AKAP6: variants seen among roughly 807,000 people sequenced by gnomAD.
The protein encoded by AKAP6 is A-kinase anchor protein 6.
In AKAP6, 58 loss-of-function variants were observed where a neutral mutation model predicts 188.5. That is an observed-to-expected ratio of 0.31 (90% CI 0.25 to 0.38). The LOEUF (loss-of-function observed/expected upper bound fraction) is 0.38. Ranked by LOEUF, AKAP6 falls within the 10% of genes least tolerant of loss-of-function variation. The probability of loss-of-function intolerance (pLI) is 1.00; values close to 1 mark genes in which losing one functional copy is unlikely to be tolerated. For missense variants in AKAP6, 2,710 were observed against 2,740.0 expected (o/e 0.99, Z 0.24); for synonymous variants, 989 against 998.6 (o/e 0.99, Z 0.18).
chr14:32,700,776 C>T (rs566883612), intron 9 of AKAP6, among the ~76,000 whole-genome samples: 1 of 152,182 alleles, frequency 6.6e-6, no homozygotes, highest in South Asian at 2.1e-4. Flanking sequence ...CTAGGATGTT[C>T]ACACAGTGAC....
At chr14:32,489,862 A>G (rs1879908159) in intron 2 of AKAP6, among the ~76,000 whole-genome samples, 1 of 152,254 alleles carries the variant, frequency 6.6e-6, no homozygotes. Context: ...AGAGACCACC[A>G]AACAGGCTTT....
At chr14:32,542,064 A>G (rs1882979895) in intron 3 of AKAP6, among the ~76,000 whole-genome samples, 1 of 152,206 alleles carries the variant, frequency 6.6e-6, no homozygotes, top group African/African-American at 2.4e-5. Context: ...TACATATATT[A>G]CATATCTTAC....
chr14:32,519,523 A>G (rs1379519797), intron 2 of AKAP6, among the ~76,000 whole-genome samples: 1 of 151,858 alleles, frequency 6.6e-6, no homozygotes, highest in Non-Finnish European at 1.5e-5. Flanking sequence ...ATGGAAAACA[A>G]AAAAAAAGCA....
intron 7 of AKAP6, among the ~76,000 whole-genome samples, chr14:32,636,825 T>G (rs984822980): frequency 1.3e-5 from 2 of 152,024 alleles, no homozygotes; most frequent in Non-Finnish European, 2.9e-5. Context: ...AACGGACTTG[T>G]GTGACACCAC....
At chr14:32,696,616 C>T (rs1460913997) in intron 9 of AKAP6, among the ~76,000 whole-genome samples, 1 of 152,174 alleles carries the variant, frequency 6.6e-6, no homozygotes, top group African/African-American at 2.4e-5. Flanking sequence ...TAAGTCAATA[C>T]ATTTCCATGT....
At chr14:32,389,786 T>A (rs374079122) in intron 1 of AKAP6, among the ~76,000 whole-genome samples, 36 of 152,168 alleles carry the variant, frequency 2.4e-4, no homozygotes, top group African/African-American at 8.7e-4. Flanking sequence ...GATTCTTTCC[T>A]TTGTCTTAAC....
At chr14:32,583,942 G>A (rs887877938) in intron 5 of AKAP6, among the ~76,000 whole-genome samples, 71 of 152,314 alleles carry the variant, frequency 4.7e-4, no homozygotes, top group African/African-American at 1.6e-3. Context: ...GGGAGGCAAT[G>A]CCTCGCCCTG....
intron 9 of AKAP6, among the ~76,000 whole-genome samples, chr14:32,725,812 A>G (rs1372973835): frequency 6.6e-6 from 1 of 152,208 alleles, no homozygotes; most frequent in African/African-American, 2.4e-5. Context: ...TGTTTCCTGA[A>G]TGGTTAATAA....
Position 32,824,435 on chromosome 14 carries a change from G to A in AKAP6, c.6622G>A (p.Ala2208Thr). Residue 2208 changes from alanine to threonine, a missense_variant, in exon 13 of 14, where the codon GCA becomes ACA. This residue lies in a region of AKAP6 where 2,473 missense variants were observed against 2,426.1 expected (regional missense o/e 1.02). Transcript: ENST00000280979. ...FSDSSLSADD[A>T]DTVALSSPSS... ...TGATAGTTCTCTTTCAGCTGATGAT[G>A]CAGATACAGTGGCTCTTTCAAGTCC... 6 of 1,613,934 alleles carry A rather than the reference G, an allele frequency of 3.7e-6. No individual in the cohort carries two copies. Among genetic ancestry groups the A allele is most frequent in the Non-Finnish European group, 5.1e-6 (6 of 1,179,954 alleles).
chr14:32,370,034 A>G (rs1438472512), intron 1 of AKAP6, among the ~76,000 whole-genome samples: 1 of 152,192 alleles, frequency 6.6e-6, no homozygotes, highest in African/African-American at 2.4e-5. Flanking sequence ...TCCATCTCAA[A>G]AACAAACAAA....
chr14:32,330,803 T>C (rs1487669089), intron 1 of AKAP6, among the ~76,000 whole-genome samples: 1 of 148,554 alleles, frequency 6.7e-6, no homozygotes, highest in African/African-American at 2.5e-5. Context: ...CCTCAGGTTT[T>C]AATTTGTTTG....
At chr14:32,454,653 C>CTCCT (rs1891061316) in intron 2 of AKAP6, among the ~76,000 whole-genome samples, 1 of 69,954 alleles carries the variant, frequency 1.4e-5, no homozygotes, top group African/African-American at 2.1e-4. Flanking sequence ...CCCTCCTTCC[C>CTCCT]TCTCTCCTTC....
chr14:32,666,817 T>C (rs1463617178), intron 7 of AKAP6, among the ~76,000 whole-genome samples: 2 of 152,088 alleles, frequency 1.3e-5, no homozygotes, highest in African/African-American at 4.8e-5. Context: ...ACTATGGAAT[T>C]ATTTTGTAAG....
chr14:32,536,578 C>T (rs1308092068), intron 3 of AKAP6, among the ~76,000 whole-genome samples: 1 of 152,154 alleles, frequency 6.6e-6, no homozygotes, highest in Non-Finnish European at 1.5e-5. Context: ...GTTCAGCAAA[C>T]TCCCATGATT....
intron 12 of AKAP6, among the ~76,000 whole-genome samples, chr14:32,814,206 G>A (rs867550746): frequency 2.0e-5 from 3 of 152,102 alleles, no homozygotes; most frequent in South Asian, 4.1e-4. Context: ...TTTTCTCTTC[G>A]TTTATTCAGT....
At chr14:32,379,038 C>T (rs1169904520) in intron 1 of AKAP6, among the ~76,000 whole-genome samples, 1 of 151,656 alleles carries the variant, frequency 6.6e-6, no homozygotes, top group Non-Finnish European at 1.5e-5. Context: ...CCTGCCTCAG[C>T]CTCTGGAGTT....
intron 7 of AKAP6, among the ~76,000 whole-genome samples, chr14:32,673,793 AT>A (rs1254671481): frequency 1.3e-5 from 2 of 152,150 alleles, no homozygotes; most frequent in African/African-American, 4.8e-5. Flanking sequence ...CTGAGCAATT[AT>A]TTACTGAGCC....
intron 7 of AKAP6, among the ~76,000 whole-genome samples, chr14:32,635,979 TA>T (rs1414682052): frequency 6.6e-6 from 1 of 152,102 alleles, no homozygotes; most frequent in African/African-American, 2.4e-5. Flanking sequence ...AATCCACTAT[TA>T]AGCTTACTGA....
At chr14:32,802,711 C>CA (rs201312537) in intron 12 of AKAP6, among the ~76,000 whole-genome samples, 2 of 151,528 alleles carry the variant, frequency 1.3e-5, no homozygotes, top group African/African-American at 2.4e-5. Context: ...TTTACAAAAC[C>CA]AAAAAAAATT....
Sources: allele counts gnomAD v4.1 joint callset (sites outside exome capture counted in the v4.1 genomes callset), GRCh38; gene constraint gnomAD v4.1.1; regional missense constraint gnomAD v4.1.1; transcripts MANE v1.5; gene names NCBI Gene and HGNC (gene_info 2026-07-23, HGNC 2026-07-21).